Variants in SZT2 observed in about 807,000 individuals in gnomAD.
The protein encoded by SZT2 is KICSTOR complex protein SZT2.
In SZT2, 216 loss-of-function variants were observed where a neutral mutation model predicts 404.2. The ratio of observed to expected loss-of-function variants is 0.53; its 90% CI spans 0.48 to 0.60. The LOEUF (loss-of-function observed/expected upper bound fraction) is 0.60. SZT2 is among the 20% of genes least tolerant of loss of function. The pLI is 0.00. For missense variants in SZT2, 3,857 were observed against 4,459.2 expected (o/e 0.86, Z 3.85); for synonymous variants, 1,693 against 1,749.9 (o/e 0.97, Z 0.81).
intron 4 of SZT2, chr1:43,406,643 A>G (rs1277803676): frequency 6.6e-6 from 1 of 152,356 alleles, no homozygotes; most frequent in East Asian, 1.9e-4. Context: ...ATGAAAGGCC[A>G]TGAATGTGAC....
At chr1:43,443,844 A>G (rs962067870) in intron 62 of SZT2, 48 bp downstream of exon 62, 1 of 1,607,100 alleles carries the variant, frequency 6.2e-7, no homozygotes, top group East Asian at 2.2e-5. Context: ...CTGCACTGCA[A>G]GTGAGGCCCC....
chr1:43,453,299 G>C lies in SZT2; in HGVS notation c.*2819G>C. Reference sequence around the variant, plus strand: ...GATAAACCAGTGGGCTCAGACTTCTGAGCGTCTCAGATCTGGCGTCCTCGA... The same window carrying C: ...GATAAACCAGTGGGCTCAGACTTCTCAGCGTCTCAGATCTGGCGTCCTCGA... On this transcript the variant is annotated 3_prime_UTR_variant, in exon 72 of 72. Transcript: ENST00000634258. 2.3e-6 allele frequency: 2 copies of C among 861,300 alleles called. No homozygotes were observed. The highest frequency in any genetic ancestry group is 2.7e-5 in the East Asian group (1 of 37,290). The allele number at this position is 861,300 out of a possible 1,614,324, so 53.4% of individuals were successfully genotyped here.
At position 43,432,723 on chromosome 1, in the gene SZT2, T is replaced by C; in HGVS notation, c.5531-5T>C. 1.2e-6 allele frequency: 2 copies of C among 1,613,878 alleles called. No individual in the cohort carries two copies. The highest frequency in any genetic ancestry group is 1.7e-6 in the Non-Finnish European group (2 of 1,179,920). ...AGGCTCCAGGCATTTTCCTTCTCTA[T>C]CCAGGGAGTCAGCCTGGGCCCAGCC... is the stretch of plus-strand genomic sequence containing the variant. On this transcript the variant is annotated splice_polypyrimidine_tract_variant and splice_region_variant and intron_variant, in intron 38 of 71. Coordinates refer to ENST00000634258, the MANE Select transcript of SZT2 (RefSeq NM_001365999.1).
At position 43,450,204 on chromosome 1, in the gene SZT2, C is replaced by T. The variant is rs778279957; in HGVS notation, c.10155+33C>T. On this transcript the variant is annotated intron_variant, in intron 71 of 71. Transcript: ENST00000634258. This position sits in a 1 kb window ranked among gnomAD's most constrained non-coding sequence, Gnocchi z 4.3. ...CGAGTGGGGGGCTTTGTGTCAGCCT[C>T]ATGGGAGGCCGTACCCCAAATGCTC... 6.2e-7 allele frequency: 1 copy of T among 1,614,038 alleles called. No homozygotes were observed. The highest frequency in any genetic ancestry group is 1.1e-5 in the South Asian group (1 of 91,078).
rs572982209 is a variant in SZT2, at chr1:43,419,429, T to G, written c.880-305T>G. On this transcript the variant is annotated intron_variant, in intron 7 of 71. Coordinates refer to ENST00000634258, the MANE Select transcript of SZT2 (RefSeq NM_001365999.1). ...TGAGAAGTGTTGGTAAGCTGAAGTCTCTCAGGATGATGACAGGAAGTCAGT... is the reference window on the plus strand; with the variant it reads ...TGAGAAGTGTTGGTAAGCTGAAGTCGCTCAGGATGATGACAGGAAGTCAGT... 7.2e-5 allele frequency among the ~76,000 whole-genome samples: 11 copies of G among 152,342 alleles called. No homozygotes were observed. The East Asian group carries it at 2.1e-3, about 29-fold the overall frequency.
rs765388587 is a variant in SZT2, at chr1:43,428,322, A to G, written c.4002A>G (p.Leu1334=). Residue 1334 remains leucine, a synonymous_variant, in exon 28 of 72, where the codon CTA becomes CTG. Coordinates refer to ENST00000634258, the MANE Select transcript of SZT2 (RefSeq NM_001365999.1). The part of the protein sequence containing the change: ...LTAVDACEEL[L]QEIDITPFLL... ...CGGTAGATGCCTGTGAGGAGCTACT[A>G]CAAGAAATAGACATCACCCCATTTC... 1.2e-5 allele frequency: 19 copies of G among 1,614,006 alleles called. No individual in the cohort carries two copies. The East Asian group carries it at 4.2e-4, about 36-fold the overall frequency.
At chr1:43,440,358 G>C in intron 51 of SZT2, 95 bp from the exon 52 acceptor site, 1 of 1,478,418 alleles carries the variant, frequency 6.8e-7, no homozygotes, top group Non-Finnish European at 9.1e-7. Context: ...GGTAGAATAG[G>C]TGGCAAGTCA....
Position 43,437,685 on chromosome 1 carries a change from C to A in SZT2, c.6381C>A (p.Tyr2127Ter). 1 of 1,614,156 alleles carries A rather than the reference C, an allele frequency of 6.2e-7. No homozygotes were observed. Among genetic ancestry groups the A allele is most frequent in the East Asian group, 2.2e-5 (1 of 44,874 alleles). Reference sequence around the variant, plus strand: ...TGTCCCGAAGCCAAGAGCCCATCTACTCTGAGGAAGCCTCGGCATGTATCA... The same window carrying A: ...TGTCCCGAAGCCAAGAGCCCATCTAATCTGAGGAAGCCTCGGCATGTATCA... ...LALSRSQEPI[Y>*]SEEASGPRSP... Residue 2127 changes from tyrosine (Y) to a stop codon, truncating the protein, a stop_gained, in exon 45 of 72, where the codon TAC (tyrosine) becomes TAA (stop). Coordinates refer to ENST00000634258, the MANE Select transcript of SZT2 (RefSeq NM_001365999.1). LOFTEE classifies it high-confidence loss of function. The surrounding 1 kb of genome is among the most constrained non-coding windows in gnomAD (Gnocchi z 5.3).
intron 4 of SZT2, chr1:43,405,861 A>G (rs1237560406): frequency 6.6e-6 from 1 of 152,294 alleles, no homozygotes; most frequent in East Asian, 1.9e-4. Flanking sequence ...AGCCTGAGCT[A>G]TACCAGGCCT....
rs1655097558 is a variant in SZT2, at chr1:43,441,877, C to T, written c.7742+59C>T. On this transcript the variant is annotated intron_variant, in intron 55 of 71. Transcript: ENST00000634258. This position sits in a 1 kb window ranked among gnomAD's most constrained non-coding sequence, Gnocchi z 4.8. ...CCCCTAGACTTCCTAAAAGCTGGGC[C>T]TACAGGAAGCCAAACCTGAGGAAGC... The T allele has an allele frequency of 1.2e-6, 2 of 1,602,452 alleles. No homozygotes were observed. The highest frequency in any genetic ancestry group is 1.7e-6 in the Non-Finnish European group (2 of 1,171,168).
Position 43,432,716 on chromosome 1 carries a change from TTC to T in SZT2, c.5531-8_5531-7del. On this transcript the variant is annotated splice_polypyrimidine_tract_variant and intron_variant, in intron 38 of 71. Transcript: ENST00000634258. ...TTGAGAGAGGCTCCAGGCATTTTCC[TTC>T]TCTATCCAGGGAGTCAGCCTGGGCC... is the stretch of plus-strand genomic sequence containing the variant. 1 of 1,613,980 alleles carries T rather than the reference TTC, an allele frequency of 6.2e-7. No homozygotes were observed. Among genetic ancestry groups the T allele is most frequent in the Non-Finnish European group, 8.5e-7 (1 of 1,179,922 alleles).
At chr1:43,427,224 C>A in intron 24 of SZT2, 45 bp downstream of exon 24, 1 of 1,607,362 alleles carries the variant, frequency 6.2e-7, no homozygotes, top group Non-Finnish European at 8.5e-7. Context: ...GATACAAACC[C>A]CTGAGCTCCC....
Position 43,441,224 on chromosome 1 carries a change from A to G in SZT2, c.7355A>G (p.Glu2452Gly). The change falls in exon 53 of 72, where the codon GAA (glutamate) becomes GGA (glycine). Residue 2452 changes from glutamate to glycine, a missense_variant. Physicochemically the swap from Glu to Gly is moderately conservative, Grantham distance 98 (BLOSUM62 -2). Around this residue, in one of 7 missense-constraint regions of SZT2, gnomAD observed 573 missense variants for 592.4 expected, o/e 0.97. Transcript: ENST00000634258. The surrounding 1 kb of genome is among the most constrained non-coding windows in gnomAD (Gnocchi z 4.8). ...RSFWDMLSKT[E>G]CGDLGSPKTT... is the part of the protein sequence containing the mutation. ...CTGCATTGCCCCCAGAGTAAAACAG[A>G]ATGTGGGGATTTGGGTTCCCCCAAA... 6.2e-7 allele frequency: 1 copy of G among 1,614,060 alleles called. No individual in the cohort carries two copies. The highest frequency in any genetic ancestry group is 8.5e-7 in the Non-Finnish European group (1 of 1,179,962).
At chr1:43,422,713 C>T in intron 13 of SZT2, 56 bp from the exon 14 acceptor site, 1 of 1,451,028 alleles carries the variant, frequency 6.9e-7, no homozygotes, top group South Asian at 1.2e-5. Flanking sequence ...AACCCCAGAC[C>T]TCACTGCTAC....
chr1:43,402,747 G>T (rs544488347), intron 1 of SZT2, among the ~76,000 whole-genome samples: 1 of 152,258 alleles, frequency 6.6e-6, no homozygotes, highest in Admixed American at 6.5e-5. Flanking sequence ...AAATTTCTTC[G>T]GTGCCTGCTG....
intron 47 of SZT2, 22 bp downstream of exon 47, chr1:43,438,839 A>G: frequency 6.2e-7 from 1 of 1,611,760 alleles, no homozygotes; most frequent in East Asian, 2.2e-5. Context: ...TCTAGGCACC[A>G]GCATCCTTCC....
At chr1:43,422,663 C>CT in intron 13 of SZT2, 31 bp downstream of exon 13, 1 of 764,752 alleles carries the variant, frequency 1.3e-6, no homozygotes, top group Non-Finnish European at 1.8e-6. Context: ...TCACCCCCCG[C>CT]CCCCCCACCC....
chr1:43,432,568 G>C lies in SZT2; in HGVS notation c.5494G>C (p.Val1832Leu). ...APGSPEDSEG[V>L]PLISLPRVPQ... ...TGGGTCCCCAGAGGATTCTGAGGGT[G>C]TCCCCCTCATCAGCCTGCCCCGCGT... The change falls in exon 38 of 72, where the codon GTC becomes CTC. Residue 1832 changes from valine to leucine, a missense_variant. By Grantham distance (32) the Val-to-Leu change is conservative. Around this residue, in one of 7 missense-constraint regions of SZT2, gnomAD observed 1,725 missense variants for 1,881.0 expected, o/e 0.92. Transcript: ENST00000634258. The C allele has an allele frequency of 6.2e-7, 1 of 1,613,750 alleles. No homozygotes were observed. Among genetic ancestry groups the C allele is most frequent in the Non-Finnish European group, 8.5e-7 (1 of 1,179,812 alleles).
chr1:43,416,443 C>A, intron 6 of SZT2, 92 bp from the exon 7 acceptor site: 1 of 1,008,524 alleles, frequency 9.9e-7, no homozygotes, highest in Non-Finnish European at 1.5e-6. Flanking sequence ...TGGGAAGACA[C>A]TGAGCCGTTC....
Sources: gnomAD v4.1 joint callset for allele counts (sites outside exome capture counted in the v4.1 genomes callset) on GRCh38, gnomAD v4.1.1 for gene constraint, gnomAD v4.1.1 regional missense constraint, Gnocchi (gnomAD v3.1) non-coding constraint, MANE v1.5 for transcripts, NCBI Gene and HGNC (gene_info 2026-07-23, HGNC 2026-07-21) for gene names.